The following GFRA2 variants were observed in gnomAD, a reference collection of about 807,000 sequenced individuals.
GFRA2 encodes GDNF family receptor alpha 2.
A neutral mutation model predicts 48.3 loss-of-function variants in GFRA2; 17 were observed. The observed-to-expected ratio is 0.35, with a 90% CI of 0.24 to 0.53. The LOEUF is 0.53. Ranked by LOEUF, GFRA2 falls within the 20% of genes least tolerant of loss-of-function variation. The probability of loss-of-function intolerance (pLI) is 0.93; values close to 1 mark genes in which losing one functional copy is unlikely to be tolerated. For synonymous variants in GFRA2, 305 were observed against 257.2 expected (o/e 1.19, Z -1.78); for missense variants, 660 against 637.3 (o/e 1.04, Z -0.38).
chr8:21,740,313 AT>A (rs1804688523), intron 4 of GFRA2, among the ~76,000 whole-genome samples: 1 of 152,164 alleles, frequency 6.6e-6, no homozygotes. Context: ...AAGGGCAAAC[AT>A]CTTCCCTTTC....
At chr8:21,745,951 T>C (rs781671361) in intron 4 of GFRA2, among the ~76,000 whole-genome samples, 15 of 152,004 alleles carry the variant, frequency 9.9e-5, no homozygotes, top group Admixed American at 3.9e-4. Context: ...TAAAATAACC[T>C]CTAGTGGAGA....
intron 3 of GFRA2, among the ~76,000 whole-genome samples, chr8:21,773,150 T>C (rs1022437375): frequency 6.6e-6 from 1 of 152,244 alleles, no homozygotes; most frequent in Non-Finnish European, 1.5e-5. Flanking sequence ...AGAATCAGAA[T>C]GCCTGTGCGG....
Position 21,788,154 on chromosome 8 carries a change from G to C in GFRA2, c.6C>G (p.Ile2Met). 2 of 1,592,602 alleles carry C rather than the reference G, an allele frequency of 1.3e-6. No individual in the cohort carries two copies. Among genetic ancestry groups the C allele is most frequent in the Non-Finnish European group, 1.7e-6 (2 of 1,168,360 alleles). Residue 2 changes from isoleucine to methionine, a missense_variant, in exon 1 of 9, where the codon ATC (isoleucine) becomes ATG (methionine). Physicochemically the swap from Ile to Met is conservative, Grantham distance 10. Transcript: ENST00000524240. ...AGAAGAGGCAGAAGACGTTTGCCAA[G>C]ATCATGTTAAATAAATCCCACCGTT... M[I>M]LANVFCLFFF...
intron 4 of GFRA2, among the ~76,000 whole-genome samples, chr8:21,738,370 C>G (rs192647363): frequency 6.6e-6 from 1 of 151,440 alleles, no homozygotes; most frequent in Non-Finnish European, 1.5e-5. Context: ...TCTCTGAGCA[C>G]GTACCGTCTG....
chr8:21,777,299 G>A (rs1806753042), intron 2 of GFRA2, among the ~76,000 whole-genome samples: 1 of 151,982 alleles, frequency 6.6e-6, no homozygotes, highest in African/African-American at 2.4e-5. Context: ...TCAGTCTTCT[G>A]TCCGCCAGAT....
At chr8:21,791,221 G>C (rs1218936162), upstream of GFRA2, among the ~76,000 whole-genome samples, 1 of 152,186 alleles carries the variant, frequency 6.6e-6, no homozygotes, top group African/African-American at 2.4e-5. Flanking sequence ...ATGGGGCTGA[G>C]AAAGCAGCAA....
At chr8:21,705,416 G>C (rs1420730799) in intron 5 of GFRA2, among the ~76,000 whole-genome samples, 2 of 152,136 alleles carry the variant, frequency 1.3e-5, no homozygotes, top group East Asian at 1.9e-4. Flanking sequence ...CCCTTGCTTT[G>C]TCCTTCACCA....
At chr8:21,760,515 T>C (rs1477845619) in intron 3 of GFRA2, among the ~76,000 whole-genome samples, 1 of 152,152 alleles carries the variant, frequency 6.6e-6, no homozygotes, top group Non-Finnish European at 1.5e-5. Flanking sequence ...GATGGAGATA[T>C]CATTTCACGA....
At chr8:21,740,448 G>A (rs896132481) in intron 4 of GFRA2, among the ~76,000 whole-genome samples, 2 of 152,166 alleles carry the variant, frequency 1.3e-5, no homozygotes, top group Non-Finnish European at 2.9e-5. Flanking sequence ...GGCCCTCCAC[G>A]TCCCCAAATC....
In GFRA2 at chr8:21,694,075, T is replaced by TATA. The variant is rs1563209422; in HGVS notation, c.1272+388_1272+389insTAT. ...TATATTTATATATATATTTATTTATTTTTATATATATATATATTTCCTATA... is the reference window on the plus strand; with the variant it reads ...TATATTTATATATATATTTATTTATTATATTTATATATATATATATTTCCTATA... On this transcript the variant is annotated intron_variant, in intron 8 of 8. Coordinates refer to ENST00000524240, the MANE Select transcript of GFRA2 (RefSeq NM_001495.5). Among the ~76,000 whole-genome samples, 12 of 49,126 alleles carry TATA rather than the reference T, an allele frequency of 2.4e-4. 1 individual carries two copies. Among genetic ancestry groups the TATA allele is most frequent in the African/African-American group, 1.0e-3 (9 of 9,042 alleles). The allele number at this position is 49,126 out of a possible 152,430, so 32.2% of individuals were successfully genotyped here.
At chr8:21,766,430 G>C (rs1003970695) in intron 3 of GFRA2, among the ~76,000 whole-genome samples, 2 of 151,920 alleles carry the variant, frequency 1.3e-5, no homozygotes, top group Admixed American at 1.3e-4. Context: ...TCAGCACCTC[G>C]AACAAGGCAT....
chr8:21,704,908 G>A (rs1218890407), intron 6 of GFRA2, 77 bp downstream of exon 6: 1 of 1,109,696 alleles, frequency 9.0e-7, no homozygotes, highest in Admixed American at 1.8e-5. Flanking sequence ...CCCACGGAAG[G>A]AGATGGGAAT....
intron 7 of GFRA2, among the ~76,000 whole-genome samples, chr8:21,700,713 G>A (rs993349985): frequency 2.0e-5 from 3 of 152,122 alleles, no homozygotes; most frequent in Non-Finnish European, 2.9e-5. Context: ...CCATCTCTGG[G>A]GTTCCCTAAG....
At chr8:21,713,976 G>C (rs113425702) in intron 4 of GFRA2, among the ~76,000 whole-genome samples, 3 of 152,112 alleles carry the variant, frequency 2.0e-5, no homozygotes, top group Non-Finnish European at 4.4e-5. Flanking sequence ...CCACAGTTAC[G>C]TGGCAAAGAG....
At position 21,692,570 on chromosome 8, in the gene GFRA2, C is replaced by T. The variant is rs1336953978; in HGVS notation, c.*708G>A. 1 of 152,206 alleles carries T rather than the reference C, an allele frequency of 6.6e-6. No homozygotes were observed. Among genetic ancestry groups the T allele is most frequent in the Admixed American group, 6.5e-5 (1 of 15,286 alleles). The allele number at this position is 152,206 out of a possible 1,614,324, so 9.4% of individuals were successfully genotyped here. A position where few individuals can be genotyped will look rare whatever the true frequency, so the allele number is the denominator to read the frequency against. On this transcript the variant is annotated 3_prime_UTR_variant, in exon 9 of 9. Transcript: ENST00000524240. ...AGCTGGTGCCCAAGTTTTAATGCCT[C>T]GCCACAAGGGCTCTCCCAGGCAGGC...
intron 5 of GFRA2, 95 bp from the exon 6 acceptor site, chr8:21,705,220 G>T: frequency 7.8e-7 from 1 of 1,284,128 alleles, no homozygotes; most frequent in Non-Finnish European, 1.1e-6. Flanking sequence ...GGGCAGAGGC[G>T]TGGTACCCAT....
chr8:21,746,080 T>A (rs904816599), intron 4 of GFRA2, among the ~76,000 whole-genome samples: 1 of 152,130 alleles, frequency 6.6e-6, no homozygotes, highest in African/African-American at 2.4e-5. Flanking sequence ...ATTTGATCGA[T>A]GAAGAGCCCC....
At position 21,782,653 on chromosome 8, in the gene GFRA2, T is replaced by C. The variant is rs1807067812; in HGVS notation, c.287A>G (p.Lys96Arg). The C allele has an allele frequency of 6.3e-7, 1 of 1,586,136 alleles. No homozygotes were observed. The highest frequency in any genetic ancestry group is 1.3e-5 in the African/African-American group (1 of 74,202). ...CTGCAGCTCCTTCTTCATGCCCCGC[T>C]TGCAGCGGCAGTCGTACAGCGGGCT... ...QESPLYDCRC[K>R]RGMKKELQCL... Residue 96 changes from lysine to arginine, a missense_variant, in exon 2 of 9, where the codon AAG (lysine) becomes AGG (arginine). Physicochemically the swap from Lys to Arg is conservative, Grantham distance 26 (BLOSUM62 2). Transcript: ENST00000524240.
chr8:21,694,155 A>T (rs1306144894), intron 8 of GFRA2, among the ~76,000 whole-genome samples: 1 of 147,918 alleles, frequency 6.8e-6, no homozygotes, highest in African/African-American at 2.5e-5. Flanking sequence ...GTGCCTCCTA[A>T]ATATCACAGC....
Sources: gnomAD v4.1 joint callset for allele counts (sites outside exome capture counted in the v4.1 genomes callset) on GRCh38, gnomAD v4.1.1 for gene constraint, MANE v1.5 for transcripts, NCBI Gene and HGNC (gene_info 2026-07-23, HGNC 2026-07-21) for gene names.